The following FHIP1A variants were observed in gnomAD, a reference collection of about 807,000 sequenced individuals.
FHIP1A encodes the protein FHF complex subunit HOOK-interacting protein 1A.
Under a neutral mutation model 88.6 loss-of-function variants are expected in FHIP1A, and 61 were observed. The observed-to-expected ratio is 0.69, with a 90% CI of 0.56 to 0.85. The LOEUF is 0.85. Among genes scored for constraint, FHIP1A ranks in the 40% least tolerant of loss-of-function variants. The pLI, the probability that FHIP1A is intolerant of heterozygous loss-of-function variation, is 0.00. For missense variants in FHIP1A, 1,154 were observed against 1,273.5 expected (o/e 0.91, Z 1.43); for synonymous variants, 478 against 496.0 (o/e 0.96, Z 0.48).
At chr4:151,538,403 C>A (rs556373079) in intron 3 of FHIP1A, among the ~76,000 whole-genome samples, 1 of 152,178 alleles carries the variant, frequency 6.6e-6, no homozygotes, top group Admixed American at 6.5e-5. Flanking sequence ...CCTCTTGCAT[C>A]TGTCCTGTCA....
chr4:151,518,274 A>G (rs1015216128), intron 3 of FHIP1A, among the ~76,000 whole-genome samples: 3 of 152,146 alleles, frequency 2.0e-5, no homozygotes, highest in Non-Finnish European at 2.9e-5. Flanking sequence ...CATTACTACC[A>G]TGCTGTACAG....
chr4:151,594,818 C>G (rs1329319389), intron 7 of FHIP1A, among the ~76,000 whole-genome samples: 1 of 152,126 alleles, frequency 6.6e-6, no homozygotes, highest in African/African-American at 2.4e-5. Flanking sequence ...CATGATCCTC[C>G]CACCTTGGCC....
chr4:151,416,217 A>G (rs944519692), intron 1 of FHIP1A, among the ~76,000 whole-genome samples: 15 of 152,220 alleles, frequency 9.9e-5, no homozygotes, highest in Admixed American at 2.6e-4. Flanking sequence ...TTGAGGTGGG[A>G]ACATTTCAGG....
chr4:151,414,429 T>C (rs1160434151), intron 1 of FHIP1A, among the ~76,000 whole-genome samples: 1 of 152,198 alleles, frequency 6.6e-6, no homozygotes, highest in Non-Finnish European at 1.5e-5. Context: ...TTCCTTAAAT[T>C]TCCATTTTGA....
chr4:151,585,995 C>G (rs1203380362), intron 5 of FHIP1A, among the ~76,000 whole-genome samples: 1 of 152,124 alleles, frequency 6.6e-6, no homozygotes, highest in African/African-American at 2.4e-5. Flanking sequence ...TCACATCTAA[C>G]TAACTGATTG....
At chr4:151,637,150 T>C (rs1281772135) in intron 8 of FHIP1A, among the ~76,000 whole-genome samples, 4 of 152,088 alleles carry the variant, frequency 2.6e-5, no homozygotes, top group African/African-American at 9.7e-5. Flanking sequence ...CCTCATGCCA[T>C]ATACAAAAAT....
chr4:151,613,359 T>C (rs1735396856), intron 7 of FHIP1A, among the ~76,000 whole-genome samples: 1 of 152,242 alleles, frequency 6.6e-6, no homozygotes, highest in Non-Finnish European at 1.5e-5. Context: ...TAAATCTTTT[T>C]ACATGCTCTG....
At chr4:151,441,933 T>G (rs1267104099) in intron 1 of FHIP1A, among the ~76,000 whole-genome samples, 1 of 152,228 alleles carries the variant, frequency 6.6e-6, no homozygotes, top group Non-Finnish European at 1.5e-5. Flanking sequence ...TTCCAAATCT[T>G]GAACGATTTG....
intron 7 of FHIP1A, among the ~76,000 whole-genome samples, chr4:151,598,275 G>A (rs1325266812): frequency 6.6e-6 from 1 of 152,100 alleles, no homozygotes; most frequent in East Asian, 1.9e-4. Context: ...AGTTTCCCTT[G>A]GCTAGGGGAG....
chr4:151,653,422 T>C (rs1737108083), intron 11 of FHIP1A, among the ~76,000 whole-genome samples: 2 of 152,006 alleles, frequency 1.3e-5, no homozygotes, highest in East Asian at 1.9e-4. Flanking sequence ...AGATAATGCA[T>C]TGGGTAAGAG....
At chr4:151,507,121 C>A (rs761747426) in intron 3 of FHIP1A, among the ~76,000 whole-genome samples, 2 of 152,040 alleles carry the variant, frequency 1.3e-5, no homozygotes, top group Non-Finnish European at 2.9e-5. Flanking sequence ...AGCCTTTCCC[C>A]TGCCCCCCCA....
Position 151,422,937 on chromosome 4 carries a change from A to G in FHIP1A, c.-356+13472A>G, listed in dbSNP as rs1027454559. On this transcript the variant is annotated intron_variant, in intron 1 of 13. Transcript: ENST00000435205. ...CTGTCTTTCTAGCCCCTCTCTTTCT[A>G]AGCTATTAATATGAAGAGGGAATCA... 3.3e-5 allele frequency among the ~76,000 whole-genome samples: 5 copies of G among 152,232 alleles called. No homozygotes were observed. The East Asian group carries it at 9.7e-4, about 29-fold the overall frequency.
At chr4:151,581,018 C>T (rs1042505328) in intron 5 of FHIP1A, among the ~76,000 whole-genome samples, 2 of 152,116 alleles carry the variant, frequency 1.3e-5, no homozygotes, top group African/African-American at 4.8e-5. Context: ...CCACCACGCC[C>T]AGGTAATTTT....
chr4:151,492,969 G>T (rs905181869), intron 3 of FHIP1A, among the ~76,000 whole-genome samples: 11 of 151,830 alleles, frequency 7.2e-5, no homozygotes, highest in African/African-American at 2.4e-4. Flanking sequence ...CAGAAGGAAA[G>T]AAATAACAAA....
chr4:151,524,650 G>A (rs1208911014), intron 3 of FHIP1A, among the ~76,000 whole-genome samples: 1 of 152,242 alleles, frequency 6.6e-6, no homozygotes, highest in East Asian at 1.9e-4. Flanking sequence ...GGTAACAACA[G>A]TGGTTAGATA....
chr4:151,468,392 G>A (rs1729401982), intron 2 of FHIP1A, among the ~76,000 whole-genome samples: 1 of 152,020 alleles, frequency 6.6e-6, no homozygotes, highest in Non-Finnish European at 1.5e-5. Context: ...AACTTTTTGG[G>A]TGATTCTGTT....
intron 9 of FHIP1A, among the ~76,000 whole-genome samples, chr4:151,638,994 G>T (rs1736470750): frequency 6.6e-6 from 1 of 152,066 alleles, no homozygotes; most frequent in Non-Finnish European, 1.5e-5. Flanking sequence ...GCATTATATT[G>T]TAAATATGCT....
At chr4:151,414,795 T>C (rs1732821490) in intron 1 of FHIP1A, among the ~76,000 whole-genome samples, 1 of 152,224 alleles carries the variant, frequency 6.6e-6, no homozygotes, top group Non-Finnish European at 1.5e-5. Context: ...TTTATAAATA[T>C]GATTTTCTCC....
intron 3 of FHIP1A, among the ~76,000 whole-genome samples, chr4:151,530,732 A>T (rs1442356403): frequency 6.6e-6 from 1 of 152,138 alleles, no homozygotes; most frequent in Non-Finnish European, 1.5e-5. Context: ...AACAAACAGT[A>T]TAGATTTTGG....
Sources: gnomAD v4.1 joint callset for allele counts (sites outside exome capture counted in the v4.1 genomes callset) on GRCh38, gnomAD v4.1.1 for gene constraint, MANE v1.5 for transcripts, NCBI Gene and HGNC (gene_info 2026-07-23, HGNC 2026-07-21) for gene names.